ADGRV1: variants seen among roughly 807,000 people sequenced by gnomAD.
ADGRV1 encodes adhesion G protein-coupled receptor V1.
ADGRV1 carries 359 observed loss-of-function variants against 596.2 expected under a neutral mutation model. The ratio of observed to expected loss-of-function variants is 0.60; its 90% CI spans 0.55 to 0.66. ADGRV1 has a LOEUF of 0.66. ADGRV1 is among the 30% of genes least tolerant of loss of function. The pLI is 0.00. For synonymous variants in ADGRV1, 2,681 were observed against 2,679.2 expected (o/e 1.00, Z -0.02); for missense variants, 7,274 against 7,575.6 (o/e 0.96, Z 1.48).
At chr5:90,996,379 G>A (rs954372236) in intron 85 of ADGRV1, among the ~76,000 whole-genome samples, 4 of 152,196 alleles carry the variant, frequency 2.6e-5, no homozygotes, top group African/African-American at 9.7e-5. Context: ...GCTCCAGGGG[G>A]TGCAAGCCAT....
At chr5:90,990,593 C>T (rs935178195) in intron 85 of ADGRV1, among the ~76,000 whole-genome samples, 14 of 152,168 alleles carry the variant, frequency 9.2e-5, no homozygotes, top group Middle Eastern at 3.2e-3. Flanking sequence ...TCCTGCTGTG[C>T]GGCCCTATTC....
chr5:90,868,488 A>G (rs1186314071), intron 83 of ADGRV1, among the ~76,000 whole-genome samples: 1 of 152,036 alleles, frequency 6.6e-6, no homozygotes, highest in African/African-American at 2.4e-5. Context: ...GGTCATTCTC[A>G]TAGCATTTGA....
At chr5:90,923,986 T>A (rs1377461204) in intron 83 of ADGRV1, among the ~76,000 whole-genome samples, 4 of 151,858 alleles carry the variant, frequency 2.6e-5, no homozygotes, top group South Asian at 4.1e-4. Flanking sequence ...CTGCATAGTA[T>A]TCCATGGTGT....
At position 91,152,140 on chromosome 5, in the gene ADGRV1, A is replaced by T. The variant is rs547689325; in HGVS notation, c.18625-1081A>T. On this transcript the variant is annotated intron_variant, in intron 88 of 89. Coordinates refer to ENST00000405460, the MANE Select transcript of ADGRV1 (RefSeq NM_032119.4). ...AGTATGCTCTGCATTCCTCAGAGGC[A>T]TAGAATTGGCCTTGATTCAGCTGTC... Among the ~76,000 whole-genome samples the T allele has an allele frequency of 7.2e-5, 11 of 152,348 alleles. No individual in the cohort carries two copies. The South Asian group carries it at 2.3e-3, about 32-fold the overall frequency.
intron 89 of ADGRV1, among the ~76,000 whole-genome samples, chr5:91,154,898 T>C (rs1433035321): frequency 6.6e-6 from 1 of 152,196 alleles, no homozygotes; most frequent in Non-Finnish European, 1.5e-5. Flanking sequence ...CACGTGGTCC[T>C]GCCCACCACA....
chr5:90,736,152 C>G (rs1391122677), intron 50 of ADGRV1, among the ~76,000 whole-genome samples: 1 of 152,068 alleles, frequency 6.6e-6, no homozygotes, highest in African/African-American at 2.4e-5. Context: ...TACATTTCCT[C>G]TATACCTATT....
chr5:90,673,924 A>G (rs969227301), intron 22 of ADGRV1, 130 bp from the exon 23 acceptor site: 86 of 640,006 alleles, frequency 1.3e-4, no homozygotes, highest in South Asian at 7.4e-4. Flanking sequence ...TTAATGTTTT[A>G]ATTTATGCAG....
At chr5:90,645,558 C>T (rs908281611) in intron 15 of ADGRV1, among the ~76,000 whole-genome samples, 4 of 152,078 alleles carry the variant, frequency 2.6e-5, no homozygotes, top group Admixed American at 2.6e-4. Context: ...TTGTAAGAAG[C>T]CTTTGTGAGC....
intron 86 of ADGRV1, among the ~76,000 whole-genome samples, chr5:91,099,239 G>A (rs1295504781): frequency 4.0e-5 from 6 of 151,752 alleles, no homozygotes; most frequent in South Asian, 2.1e-4. Flanking sequence ...ATATCAGCAC[G>A]GTCCCTTCTA....
intron 54 of ADGRV1, among the ~76,000 whole-genome samples, chr5:90,754,525 G>T (rs1561662594): frequency 6.6e-6 from 1 of 152,160 alleles, no homozygotes; most frequent in Non-Finnish European, 1.5e-5. Context: ...AATACTTTGA[G>T]CCTCCTGATA....
chr5:91,094,374 G>T (rs887794473), intron 86 of ADGRV1, among the ~76,000 whole-genome samples: 1 of 151,602 alleles, frequency 6.6e-6, no homozygotes, highest in Admixed American at 6.6e-5. Context: ...CAGGAGAATT[G>T]CTTGAACCCA....
intron 10 of ADGRV1, among the ~76,000 whole-genome samples, chr5:90,637,454 T>A (rs1766359355): frequency 6.8e-6 from 1 of 146,052 alleles, no homozygotes; most frequent in Non-Finnish European, 1.5e-5. Context: ...TGCCTTTTAT[T>A]AAGGCAAACC....
At chr5:90,563,074 A>G (rs1326919121) in intron 1 of ADGRV1, among the ~76,000 whole-genome samples, 1 of 152,206 alleles carries the variant, frequency 6.6e-6, no homozygotes, top group Non-Finnish European at 1.5e-5. Context: ...AGGTGCTGGT[A>G]GGGGCCAAAT....
At chr5:91,140,680 C>T (rs550229649) in intron 87 of ADGRV1, among the ~76,000 whole-genome samples, 3 of 152,242 alleles carry the variant, frequency 2.0e-5, no homozygotes, top group South Asian at 2.1e-4. Context: ...ATTTGTACTT[C>T]GGAAAGTTTT....
At position 90,694,351 on chromosome 5, in the gene ADGRV1, C is replaced by A; in HGVS notation, c.7595C>A (p.Pro2532Gln). 1 of 1,613,952 alleles carries A rather than the reference C, an allele frequency of 6.2e-7. No individual in the cohort carries two copies. The highest frequency in any genetic ancestry group is 1.1e-5 in the South Asian group (1 of 91,086). The change falls in exon 33 of 90, where the codon CCA becomes CAA. Residue 2532 changes from proline to glutamine, a missense_variant. By Grantham distance (76) the Pro-to-Gln change is moderately conservative. This residue lies in a region of ADGRV1 where 3,643 missense variants were observed against 3,809.2 expected (regional missense o/e 0.96). Transcript: ENST00000405460. ...LTVSILPDDF[P>Q]EMDESFLISL... ...GTGTCTATTCTTCCTGATGATTTCC[C>A]AGAGATGGATGAGAGTTTTCTAATT...
At chr5:91,157,340 G>C (rs1318031093) in intron 89 of ADGRV1, among the ~76,000 whole-genome samples, 1 of 152,066 alleles carries the variant, frequency 6.6e-6, no homozygotes, top group Non-Finnish European at 1.5e-5. Flanking sequence ...CATACATTTT[G>C]GTGTTTGAAA....
intron 83 of ADGRV1, among the ~76,000 whole-genome samples, chr5:90,945,950 C>T (rs1477033591): frequency 6.6e-6 from 1 of 151,818 alleles, no homozygotes; most frequent in African/African-American, 2.4e-5. Flanking sequence ...TGTACTCTAT[C>T]TAGCCTGGGT....
intron 9 of ADGRV1, among the ~76,000 whole-genome samples, chr5:90,633,137 T>C (rs1051209458): frequency 6.6e-6 from 1 of 152,144 alleles, no homozygotes; most frequent in East Asian, 1.9e-4. Flanking sequence ...CTATCTGAAA[T>C]AAAGAATGAT....
intron 85 of ADGRV1, among the ~76,000 whole-genome samples, chr5:91,004,049 A>C (rs1782063592): frequency 6.6e-6 from 1 of 152,164 alleles, no homozygotes. Context: ...AATGTCGACT[A>C]TAAGGAGATG....
Sources: gnomAD v4.1 joint callset for allele counts (sites outside exome capture counted in the v4.1 genomes callset) on GRCh38, gnomAD v4.1.1 for gene constraint, gnomAD v4.1.1 regional missense constraint, MANE v1.5 for transcripts, NCBI Gene and HGNC (gene_info 2026-07-23, HGNC 2026-07-21) for gene names.